Variants in PKP4 observed in about 807,000 individuals in gnomAD.
PKP4 encodes plakophilin 4.
Under a neutral mutation model 145.1 loss-of-function variants are expected in PKP4, and 90 were observed. That is an observed-to-expected ratio of 0.62 (90% CI 0.52 to 0.74). PKP4 has a LOEUF of 0.74. Among genes scored for constraint, PKP4 ranks in the 30% least tolerant of loss-of-function variants. The pLI is 0.00. For synonymous variants in PKP4, 563 were observed against 577.2 expected (o/e 0.98, Z 0.35); for missense variants, 1,340 against 1,482.7 (o/e 0.90, Z 1.58).
chr2:158,620,851 ATGTGC>A (rs1407433183), intron 4 of PKP4, 134 bp from the exon 5 acceptor site: 10 of 655,914 alleles, frequency 1.5e-5, no homozygotes, highest in African/African-American at 9.1e-5. Flanking sequence ...TAAGAGTCAG[ATGTGC>A]TGTGTAAGCT....
At chr2:158,509,532 A>G (rs540488657) in intron 1 of PKP4, among the ~76,000 whole-genome samples, 1 of 152,364 alleles carries the variant, frequency 6.6e-6, no homozygotes, top group South Asian at 2.1e-4. Flanking sequence ...TTTTTGAGAC[A>G]TAAGACAATC....
chr2:158,660,055 G>A (rs796434454), intron 12 of PKP4: 22 of 152,698 alleles, frequency 1.4e-4, no homozygotes, highest in African/African-American at 4.8e-4. Flanking sequence ...CTAATAGATC[G>A]AATATTAAGA....
At chr2:158,580,597 TG>T (rs1449677412) in intron 3 of PKP4, among the ~76,000 whole-genome samples, 4 of 152,176 alleles carry the variant, frequency 2.6e-5, no homozygotes, top group African/African-American at 9.7e-5. Flanking sequence ...GTGGTGGTGA[TG>T]GTGATTAGAA....
At chr2:158,665,092 C>A (rs1189615077) in intron 15 of PKP4, among the ~76,000 whole-genome samples, 1 of 152,148 alleles carries the variant, frequency 6.6e-6, no homozygotes, top group African/African-American at 2.4e-5. Context: ...AAATATTGGA[C>A]CTTCACTAAG....
At chr2:158,675,168 T>A (rs2057895169) in intron 19 of PKP4, among the ~76,000 whole-genome samples, 1 of 152,200 alleles carries the variant, frequency 6.6e-6, no homozygotes, top group Admixed American at 6.5e-5. Context: ...TGTGGCTCTA[T>A]AACAAAAGGC....
rs77058185 is a variant in PKP4, at chr2:158,541,005, T to C, written c.132+7689T>C. 3.3e-3 allele frequency among the ~76,000 whole-genome samples: 508 copies of C among 152,258 alleles called. 24 individuals are homozygous for C. In the East Asian group the frequency reaches 0.086, roughly 26 times the overall value. Reference sequence around the variant, plus strand: ...CCCTGTATATGCAAACTTTATGCTGTTAAATTTGAAATGAGTGACTGCTGA... The same window carrying C: ...CCCTGTATATGCAAACTTTATGCTGCTAAATTTGAAATGAGTGACTGCTGA... On this transcript the variant is annotated intron_variant, in intron 2 of 21. Coordinates refer to ENST00000389759, the MANE Select transcript of PKP4 (RefSeq NM_003628.6).
At chr2:158,541,569 A>G (rs1026261789) in intron 2 of PKP4, among the ~76,000 whole-genome samples, 3 of 150,848 alleles carry the variant, frequency 2.0e-5, no homozygotes, top group African/African-American at 7.3e-5. Context: ...TTGAAGACAA[A>G]TAACATCCTA....
chr2:158,487,843 A>G (rs939204535), intron 1 of PKP4, among the ~76,000 whole-genome samples: 1 of 152,020 alleles, frequency 6.6e-6, no homozygotes, highest in Admixed American at 6.6e-5. Context: ...AAGGAAAAAG[A>G]TTTGACAAGG....
chr2:158,497,319 GCAT>G (rs1695890255), intron 1 of PKP4, among the ~76,000 whole-genome samples: 1 of 99,656 alleles, frequency 1.0e-5, no homozygotes. Flanking sequence ...ATTTGTATTT[GCAT>G]TTTGAGTGGC....
At chr2:158,479,940 G>C (rs533807763) in intron 1 of PKP4, among the ~76,000 whole-genome samples, 3 of 152,270 alleles carry the variant, frequency 2.0e-5, no homozygotes, top group Admixed American at 6.5e-5. Context: ...AGCTACAACC[G>C]GGGCTGCTCA....
chr2:158,572,722 C>G (rs1322546015), intron 2 of PKP4, among the ~76,000 whole-genome samples: 3 of 152,164 alleles, frequency 2.0e-5, no homozygotes, highest in African/African-American at 7.2e-5. Flanking sequence ...GATTCAAAAA[C>G]TTAAATGGTC....
chr2:158,462,180 A>C (rs930352387), intron 1 of PKP4, among the ~76,000 whole-genome samples: 1 of 152,204 alleles, frequency 6.6e-6, no homozygotes, highest in Non-Finnish European at 1.5e-5. Flanking sequence ...TCTGAATTGC[A>C]AGCATGAGGG....
rs1490076508 is a variant in PKP4 at position 158,539,579 on chromosome 2, A to G, written c.132+6263A>G. Among the ~76,000 whole-genome samples, 9 of 152,278 alleles carry G rather than the reference A, an allele frequency of 5.9e-5. No individual in the cohort carries two copies. In the East Asian group the frequency reaches 7.7e-4, roughly 13 times the overall value. ...ATGCCTGAAACTTCTGATTTTTCCA[A>G]TTGGCAACTTAGTTATTTTTCCAAT... On this transcript the variant is annotated intron_variant, in intron 2 of 21. Coordinates refer to ENST00000389759, the MANE Select transcript of PKP4 (RefSeq NM_003628.6).
intron 4 of PKP4, among the ~76,000 whole-genome samples, chr2:158,612,449 G>A (rs2051229292): frequency 6.6e-6 from 1 of 152,146 alleles, no homozygotes; most frequent in Non-Finnish European, 1.5e-5. Flanking sequence ...CAGACAATGA[G>A]AAGATTCTTT....
At position 158,634,243 on chromosome 2, in the gene PKP4, G is replaced by T. The variant is rs536131977; in HGVS notation, c.1516G>T (p.Gly506Cys). ...RLQHAVPADD[G>C]TTRSPSIDSI... is the part of the protein sequence containing the mutation. ...TCAGCATGCAGTGCCGGCTGATGAT[G>T]GCACCACAAGATCCCCATCAATAGA... The change falls in exon 9 of 22, where the codon GGC becomes TGC. Residue 506 changes from glycine to cysteine, a missense_variant. Coordinates refer to ENST00000389759, the MANE Select transcript of PKP4 (RefSeq NM_003628.6). 5 of 1,614,062 alleles carry T rather than the reference G, an allele frequency of 3.1e-6. No homozygotes were observed. The highest frequency in any genetic ancestry group is 2.2e-5 in the East Asian group (1 of 44,882).
intron 1 of PKP4, among the ~76,000 whole-genome samples, chr2:158,523,033 AGGC>A (rs2042554446): frequency 6.6e-6 from 1 of 152,120 alleles, no homozygotes; most frequent in South Asian, 2.1e-4. Context: ...TCAAACTGCA[AGGC>A]AGCAGCGAGG....
In PKP4 at chr2:158,625,290, A is replaced by T. The variant is rs200851191; in HGVS notation, c.1016A>T (p.Lys339Ile). ...GGCCAGGTGGGGTCGTCGTCCCCCA[A>T]ACGCTCAGGGATGACCGCCGTACCA... ...SQGQVGSSSP[K>I]RSGMTAVPQH... Residue 339 changes from lysine to isoleucine, a missense_variant, in exon 7 of 22, where the codon AAA becomes ATA. Physicochemically the swap from Lys to Ile is moderately radical, Grantham distance 102 (BLOSUM62 -3). Transcript: ENST00000389759. The T allele has an allele frequency of 2.5e-6, 4 of 1,614,090 alleles. No homozygotes were observed. Among genetic ancestry groups the T allele is most frequent in the Non-Finnish European group, 3.4e-6 (4 of 1,180,012 alleles).
intron 1 of PKP4, among the ~76,000 whole-genome samples, chr2:158,484,464 G>A (rs925722922): frequency 6.6e-6 from 1 of 152,204 alleles, no homozygotes; most frequent in African/African-American, 2.4e-5. Flanking sequence ...TCCTGATTTG[G>A]TGAATGTGTT....
intron 3 of PKP4, among the ~76,000 whole-genome samples, chr2:158,590,511 A>G (rs903673208): frequency 3.3e-5 from 5 of 151,938 alleles, no homozygotes; most frequent in Admixed American, 2.0e-4. Flanking sequence ...TAATGGGGCT[A>G]TTTCAGCCAC....
Sources: gnomAD v4.1 joint callset for allele counts (sites outside exome capture counted in the v4.1 genomes callset) on GRCh38, gnomAD v4.1.1 for gene constraint, MANE v1.5 for transcripts, NCBI Gene and HGNC (gene_info 2026-07-23, HGNC 2026-07-21) for gene names.